The following MAGI2 variants were observed in gnomAD, a reference collection of about 807,000 sequenced individuals.
The protein encoded by MAGI2 is membrane-associated guanylate kinase, WW and PDZ domain-containing protein 2.
In MAGI2, 35 loss-of-function variants were observed where a neutral mutation model predicts 133.3. That is an observed-to-expected ratio of 0.26 (90% CI 0.20 to 0.35). The LOEUF (loss-of-function observed/expected upper bound fraction) is 0.35, where lower values mean the gene tolerates loss of function less well. Among genes scored for constraint, MAGI2 ranks in the 10% least tolerant of loss-of-function variants. MAGI2 has a pLI of 1.00. For synonymous variants in MAGI2, 729 were observed against 710.6 expected (o/e 1.03, Z -0.41); for missense variants, 1,636 against 1,863.4 (o/e 0.88, Z 2.25).
At chr7:79,028,269 G>GTATATATATATATATATATATA (rs1464056500) in intron 1 of MAGI2, among the ~76,000 whole-genome samples, 4 of 21,352 alleles carry the variant, frequency 1.9e-4, no homozygotes, top group African/African-American at 5.8e-4. Flanking sequence ...ATATATATAT[G>GTATATATATATATATATATATA]TATGTATGTA....
intron 9 of MAGI2, among the ~76,000 whole-genome samples, chr7:78,324,126 C>CACACTACACT (rs199831383): frequency 7.4e-4 from 109 of 147,634 alleles, no homozygotes; most frequent in African/African-American, 2.6e-3. Context: ...AAATAATTGA[C>CACACTACACT]ACACTACACT....
At chr7:79,423,461 T>G (rs1359870112) in intron 1 of MAGI2, among the ~76,000 whole-genome samples, 1 of 152,076 alleles carries the variant, frequency 6.6e-6, no homozygotes, top group African/African-American at 2.4e-5. Flanking sequence ...GATGTAATAC[T>G]AAATATCTAC....
At chr7:79,431,308 A>G (rs1847763699) in intron 1 of MAGI2, among the ~76,000 whole-genome samples, 1 of 152,228 alleles carries the variant, frequency 6.6e-6, no homozygotes, top group African/African-American at 2.4e-5. Flanking sequence ...TATATCAACC[A>G]TAGCAGGAAG....
chr7:79,381,990 C>T (rs1407157850), intron 1 of MAGI2, among the ~76,000 whole-genome samples: 2 of 151,664 alleles, frequency 1.3e-5, no homozygotes, highest in African/African-American at 4.8e-5. Context: ...AAGTGTTCCA[C>T]CATGACAACA....
intron 2 of MAGI2, among the ~76,000 whole-genome samples, chr7:78,695,791 TAAGAAGC>T (rs983164001): frequency 2.4e-4 from 36 of 152,322 alleles, no homozygotes; most frequent in African/African-American, 7.9e-4. Flanking sequence ...TTTTTAGAGC[TAAGAAGC>T]AAGAGCATTT....
At chr7:78,505,411 T>A (rs1268840623) in intron 4 of MAGI2, among the ~76,000 whole-genome samples, 1 of 152,184 alleles carries the variant, frequency 6.6e-6, no homozygotes, top group Non-Finnish European at 1.5e-5. Flanking sequence ...TTATAAAGAT[T>A]TGATCTTTGT....
intron 15 of MAGI2, among the ~76,000 whole-genome samples, chr7:78,166,078 C>T (rs1302676893): frequency 6.6e-6 from 1 of 152,192 alleles, no homozygotes; most frequent in Non-Finnish European, 1.5e-5. Context: ...ACTCAAAAGC[C>T]TAACTGAGTA....
intron 21 of MAGI2, among the ~76,000 whole-genome samples, chr7:78,044,678 C>CGTGTGTGTGTGTGTGT (rs58076536): frequency 7.1e-5 from 9 of 126,476 alleles, no homozygotes; most frequent in Non-Finnish European, 1.3e-4. Flanking sequence ...GCTAATGTAC[C>CGTGTGTGTGTGTGTGT]GTGTGTGTGT....
chr7:79,312,706 C>T (rs1461435830), intron 1 of MAGI2, among the ~76,000 whole-genome samples: 4 of 152,126 alleles, frequency 2.6e-5, no homozygotes, highest in African/African-American at 4.8e-5. Context: ...GTGCTTGGCA[C>T]AAAGTGTGCA....
chr7:78,638,649 A>C (rs1396426019), intron 2 of MAGI2, among the ~76,000 whole-genome samples: 9 of 152,170 alleles, frequency 5.9e-5, no homozygotes, highest in Admixed American at 5.9e-4. Flanking sequence ...ACTCCAGGAC[A>C]GATCAACACT....
intron 1 of MAGI2, among the ~76,000 whole-genome samples, chr7:79,112,180 G>A (rs1298046434): frequency 3.3e-5 from 5 of 151,450 alleles, no homozygotes; most frequent in East Asian, 1.9e-4. Context: ...TCACCTTCCC[G>A]CCTACATCTC....
chr7:78,169,810 T>A (rs1825950071), intron 14 of MAGI2, among the ~76,000 whole-genome samples: 1 of 152,238 alleles, frequency 6.6e-6, no homozygotes. Flanking sequence ...TCCCTGCAAC[T>A]CACTGTAACC....
chr7:78,526,589 A>G (rs1352561506), intron 3 of MAGI2, among the ~76,000 whole-genome samples: 1 of 152,242 alleles, frequency 6.6e-6, no homozygotes, highest in Non-Finnish European at 1.5e-5. Context: ...CCTGCAAAAT[A>G]AGAGAGAAAG....
chr7:78,658,246 T>A (rs576559331), intron 2 of MAGI2, among the ~76,000 whole-genome samples: 1 of 152,038 alleles, frequency 6.6e-6, no homozygotes, highest in Non-Finnish European at 1.5e-5. Context: ...TTTCAACAAA[T>A]GGTGCTTGAG....
chr7:78,915,334 A>T (rs1432591307), intron 2 of MAGI2, among the ~76,000 whole-genome samples: 1 of 152,150 alleles, frequency 6.6e-6, no homozygotes, highest in Non-Finnish European at 1.5e-5. Flanking sequence ...GTTTGAATGA[A>T]TACTAGGGAG....
At chr7:79,449,877 CATAT>C (rs59881896) in intron 1 of MAGI2, among the ~76,000 whole-genome samples, 2,095 of 120,558 alleles carry the variant, frequency 0.017, 63 homozygotes, top group African/African-American at 0.059. Flanking sequence ...GAGATATATA[CATAT>C]ATATATATAT....
intron 1 of MAGI2, among the ~76,000 whole-genome samples, chr7:79,253,853 G>A (rs1833498353): frequency 6.6e-6 from 1 of 152,116 alleles, no homozygotes; most frequent in East Asian, 1.9e-4. Context: ...ATACAAATTT[G>A]AGAACACAAT....
chr7:78,191,329 C>G (rs1828190374), intron 12 of MAGI2, among the ~76,000 whole-genome samples: 1 of 151,928 alleles, frequency 6.6e-6, no homozygotes, highest in Admixed American at 6.6e-5. Flanking sequence ...TGAATTTTCA[C>G]ATGGAAGTTG....
chr7:79,367,858 C>CATATATATATATATATATAT lies in MAGI2; in HGVS notation c.301+85161_301+85162insATATATATATATATATATAT, dbSNP rs367920302. Among the ~76,000 whole-genome samples, 740 of 87,050 alleles carry CATATATATATATATATATAT rather than the reference C, an allele frequency of 8.5e-3. 45 individuals are homozygous for CATATATATATATATATATAT. Among genetic ancestry groups the CATATATATATATATATATAT allele is most frequent in the African/African-American group, 0.012 (251 of 21,532 alleles). 57.1% of individuals were successfully genotyped at this position (87,050 alleles called of 152,430 possible). A position where few individuals can be genotyped will look rare whatever the true frequency, so the allele number is the denominator to read the frequency against. ...CATATATATATGCTTATATATGTGA[C>CATATATATATATATATATAT]ATATATATATATATATATGTCATTG... On this transcript the variant is annotated intron_variant, in intron 1 of 21. Coordinates refer to ENST00000354212, the MANE Select transcript of MAGI2 (RefSeq NM_012301.4).
Sources: allele counts gnomAD v4.1 joint callset (sites outside exome capture counted in the v4.1 genomes callset), GRCh38; gene constraint gnomAD v4.1.1; transcripts MANE v1.5; gene names NCBI Gene and HGNC (gene_info 2026-07-23, HGNC 2026-07-21).